ERC1: variants seen among roughly 807,000 people sequenced by gnomAD.
The protein encoded by ERC1 is ELKS/RAB6-interacting/CAST family member 1.
A neutral mutation model predicts 132.0 loss-of-function variants in ERC1; 56 were observed. The observed-to-expected ratio is 0.42, with a 90% CI of 0.34 to 0.53. The LOEUF (loss-of-function observed/expected upper bound fraction) is 0.53. Among genes scored for constraint, ERC1 ranks in the 20% least tolerant of loss-of-function variants. The pLI is 0.03. For missense variants in ERC1, 1,202 were observed against 1,349.9 expected (o/e 0.89, Z 1.72); for synonymous variants, 478 against 476.1 (o/e 1.00, Z -0.05).
At chr12:1,443,091 G>A (rs940640702) in intron 17 of ERC1, among the ~76,000 whole-genome samples, 2 of 151,902 alleles carry the variant, frequency 1.3e-5, no homozygotes, top group Non-Finnish European at 1.5e-5. Context: ...AGTGGAAACG[G>A]GGTTTCACCA....
chr12:1,366,238 A>G (rs76659678), intron 15 of ERC1, among the ~76,000 whole-genome samples: 8,657 of 152,326 alleles, frequency 0.057, 299 homozygotes, highest in East Asian at 0.13. Flanking sequence ...AAAAGATAAA[A>G]GTTAATGAGC....
chr12:1,219,630 ACT>A (rs200963736), intron 12 of ERC1, among the ~76,000 whole-genome samples: 1 of 107,788 alleles, frequency 9.3e-6, no homozygotes, highest in Non-Finnish European at 1.8e-5. Flanking sequence ...ATCAGACTGA[ACT>A]CTCTTTTTTT....
At chr12:1,457,929 A>G (rs1330695009) in intron 18 of ERC1, among the ~76,000 whole-genome samples, 1 of 152,170 alleles carries the variant, frequency 6.6e-6, no homozygotes, top group Non-Finnish European at 1.5e-5. Context: ...AAGTTAGTCA[A>G]TCTGCCCCTT....
At chr12:1,201,314 G>A (rs1956895780) in intron 12 of ERC1, among the ~76,000 whole-genome samples, 1 of 152,114 alleles carries the variant, frequency 6.6e-6, no homozygotes, top group African/African-American at 2.4e-5. Context: ...TTACTATGAT[G>A]TGTCTTCTAT....
At chr12:1,412,368 G>A (rs886632448) in intron 17 of ERC1, among the ~76,000 whole-genome samples, 1 of 152,234 alleles carries the variant, frequency 6.6e-6, no homozygotes, top group African/African-American at 2.4e-5. Flanking sequence ...CTTACTTGAT[G>A]TATCCATAGA....
At chr12:1,232,613 G>T in intron 12 of ERC1, among the ~76,000 whole-genome samples, 2 of 151,176 alleles carry the variant, frequency 1.3e-5, no homozygotes, top group African/African-American at 2.4e-5. Context: ...TTTTTCAGTT[G>T]TCAGTGTATT....
intron 1 of ERC1, among the ~76,000 whole-genome samples, chr12:1,009,349 T>C (rs944035956): frequency 4.9e-4 from 74 of 152,264 alleles, no homozygotes; most frequent in African/African-American, 1.7e-3. Context: ...TAATTTTTTG[T>C]ATTTTTAGTA....
intron 15 of ERC1, among the ~76,000 whole-genome samples, chr12:1,296,401 C>CTTTTTTGTTTTTTTTTTTTTT (rs2079940425): frequency 1.3e-5 from 1 of 76,208 alleles, no homozygotes; most frequent in South Asian, 5.5e-4. Context: ...ATTGGATAGT[C>CTTTTTTGTTTTTTTTTTTTTT]TTTTTTTTTT....
chr12:1,272,827 A>G (rs979089016), intron 14 of ERC1, among the ~76,000 whole-genome samples: 3 of 151,926 alleles, frequency 2.0e-5, no homozygotes, highest in African/African-American at 7.3e-5. Context: ...AGGTGCCCAT[A>G]ATCCCAGCTA....
intron 15 of ERC1, among the ~76,000 whole-genome samples, chr12:1,298,537 T>G (rs1173307040): frequency 8.2e-6 from 1 of 122,012 alleles, no homozygotes; most frequent in African/African-American, 3.2e-5. Flanking sequence ...AACGAGACTC[T>G]GTCACAAAAA....
chr12:1,302,912 G>A (rs2080518042), intron 15 of ERC1, among the ~76,000 whole-genome samples: 1 of 152,186 alleles, frequency 6.6e-6, no homozygotes, highest in Non-Finnish European at 1.5e-5. Context: ...GCAGTGAGCT[G>A]TAATCGCATC....
intron 2 of ERC1, among the ~76,000 whole-genome samples, chr12:1,078,840 C>A (rs1186501314): frequency 6.6e-6 from 1 of 151,612 alleles, no homozygotes; most frequent in African/African-American, 2.4e-5. Context: ...TACAAAGATA[C>A]ATATAGAAAT....
rs1249316288 is a variant in ERC1, at chr12:1,371,984, T to C, written c.2925+7T>C. On this transcript the variant is annotated splice_region_variant and intron_variant, in intron 16 of 18. Transcript: ENST00000360905. ...ACAGCAGCTTAAGCAGCAGGTATTA[T>C]TAAATGCCAGCAGGAGGGTCAGTGG... 2 of 1,612,858 alleles carry C rather than the reference T, an allele frequency of 1.2e-6. No individual in the cohort carries two copies. The highest frequency in any genetic ancestry group is 1.7e-6 in the Non-Finnish European group (2 of 1,179,824).
At chr12:1,321,467 A>G (rs987723124) in intron 15 of ERC1, among the ~76,000 whole-genome samples, 5 of 152,308 alleles carry the variant, frequency 3.3e-5, no homozygotes, top group African/African-American at 9.6e-5. Context: ...TCAATTATAC[A>G]TAGAGTTGTC....
At chr12:1,397,700 G>C (rs978305781) in intron 16 of ERC1, among the ~76,000 whole-genome samples, 3 of 152,142 alleles carry the variant, frequency 2.0e-5, no homozygotes, top group African/African-American at 7.2e-5. Context: ...CTAAAAAGGA[G>C]GGAACAGGAT....
At chr12:1,489,583 C>T (rs1489477665) in intron 18 of ERC1, among the ~76,000 whole-genome samples, 1 of 152,210 alleles carries the variant, frequency 6.6e-6, no homozygotes, top group Non-Finnish European at 1.5e-5. Context: ...AATATACTTA[C>T]TTCTAAGCAA....
At chr12:1,193,106 A>G (rs2154278441) in intron 12 of ERC1, among the ~76,000 whole-genome samples, 1 of 152,298 alleles carries the variant, frequency 6.6e-6, no homozygotes, top group South Asian at 2.1e-4. Flanking sequence ...TGCTTCTTAT[A>G]AAAGGATCTC....
At chr12:1,258,521 C>G (rs2076950087) in intron 13 of ERC1, among the ~76,000 whole-genome samples, 1 of 152,172 alleles carries the variant, frequency 6.6e-6, no homozygotes, top group Admixed American at 6.5e-5. Flanking sequence ...TATGTGAAGT[C>G]TGTTGCATTT....
At chr12:1,207,855 A>T (rs569851651) in intron 12 of ERC1, among the ~76,000 whole-genome samples, 1 of 152,332 alleles carries the variant, frequency 6.6e-6, no homozygotes, top group African/African-American at 2.4e-5. Flanking sequence ...GAGTTTTTAT[A>T]GAGTTGCCAG....
Sources: allele counts gnomAD v4.1 joint callset (sites outside exome capture counted in the v4.1 genomes callset), GRCh38; gene constraint gnomAD v4.1.1; transcripts MANE v1.5; gene names NCBI Gene and HGNC (gene_info 2026-07-23, HGNC 2026-07-21).